Variants in DOCK11 observed in about 807,000 individuals in gnomAD.
DOCK11 encodes dedicator of cytokinesis 11, also known as dedicator of cytokinesis protein 11.
In DOCK11, 70 loss-of-function variants were observed where a neutral mutation model predicts 169.1. The ratio of observed to expected loss-of-function variants is 0.41; its 90% CI spans 0.34 to 0.51. DOCK11 has a LOEUF of 0.51. DOCK11 is among the 20% of genes least tolerant of loss of function. The probability of loss-of-function intolerance (pLI) is 0.10; values close to 1 mark genes in which losing one functional copy is unlikely to be tolerated. For missense variants in DOCK11, 1,166 were observed against 1,538.8 expected (o/e 0.76, Z 4.05); for synonymous variants, 529 against 541.3 (o/e 0.98, Z 0.32).
At chrX:118,594,941 A>T (rs1428213793) in intron 20 of DOCK11, among the ~76,000 whole-genome samples, 1 of 111,364 alleles carries the variant, frequency 9.0e-6, no homozygotes, top group African/African-American at 3.3e-5. Flanking sequence ...AACCACAAGT[A>T]GTTCACTAAG....
chrX:118,681,345 C>G (rs746982983), intron 50 of DOCK11, 97 bp downstream of exon 50: 1 of 847,172 alleles, frequency 1.2e-6, no homozygotes, highest in Non-Finnish European at 1.6e-6. Context: ...ATGTGTTGGG[C>G]ACTTACTGAG....
intron 20 of DOCK11, among the ~76,000 whole-genome samples, chrX:118,597,143 T>A (rs2014191190): frequency 8.9e-6 from 1 of 112,166 alleles, no homozygotes; most frequent in South Asian, 3.7e-4. Flanking sequence ...TTTCATATAA[T>A]CTCACTCTAG....
intron 6 of DOCK11, among the ~76,000 whole-genome samples, chrX:118,557,713 G>A (rs1324970927): frequency 6.8e-5 from 6 of 88,868 alleles, no homozygotes; most frequent in African/African-American, 2.2e-4. Flanking sequence ...GCAGTGAGCC[G>A]AGATCGCGCC....
intron 23 of DOCK11, among the ~76,000 whole-genome samples, chrX:118,602,189 G>A (rs911212511): frequency 2.8e-5 from 3 of 106,411 alleles, no homozygotes; most frequent in Non-Finnish European, 5.8e-5. Context: ...TAGCAGAACT[G>A]GGGTGAGACT....
chrX:118,639,316 T>G (rs1038151911), intron 37 of DOCK11, 119 bp from the exon 38 acceptor site: 1 of 684,416 alleles, frequency 1.5e-6, no homozygotes, highest in African/African-American at 2.2e-5. Context: ...ACACTTCATT[T>G]AATCCTTGAG....
intron 1 of DOCK11, among the ~76,000 whole-genome samples, chrX:118,525,555 G>C (rs1029159426): frequency 6.3e-5 from 7 of 111,608 alleles, no homozygotes; most frequent in Middle Eastern, 4.6e-3. Flanking sequence ...AGTTGAATGC[G>C]TACAGAGTTT....
At chrX:118,640,801 C>CTTTT (rs1556326662) in intron 38 of DOCK11, among the ~76,000 whole-genome samples, 1 of 109,652 alleles carries the variant, frequency 9.1e-6, no homozygotes, top group Non-Finnish European at 1.9e-5. Context: ...ACTGTGAGCC[C>CTTTT]TCTTTTTTTT....
intron 1 of DOCK11, among the ~76,000 whole-genome samples, chrX:118,535,449 T>A (rs1258144770): frequency 8.9e-6 from 1 of 112,067 alleles, no homozygotes; most frequent in Non-Finnish European, 1.9e-5. Context: ...TAACAGAAAG[T>A]ACAAGGCACT....
Position 118,593,210 on chromosome X carries a change from T to G in DOCK11, c.2140-4T>G. ...TTCCATGTGTAATTTTGCTTTCATTTCAGATTAAAATTGAGCTTCCCATTC... is the reference window on the plus strand; with the variant it reads ...TTCCATGTGTAATTTTGCTTTCATTGCAGATTAAAATTGAGCTTCCCATTC... On this transcript the variant is annotated splice_polypyrimidine_tract_variant and splice_region_variant and intron_variant, in intron 19 of 52. Coordinates refer to ENST00000276202, the MANE Select transcript of DOCK11 (RefSeq NM_144658.4). 5 of 1,194,734 alleles carry G rather than the reference T, an allele frequency of 4.2e-6. No individual in the cohort carries two copies. The highest frequency in any genetic ancestry group is 5.6e-6 in the Non-Finnish European group (5 of 888,286).
intron 1 of DOCK11, among the ~76,000 whole-genome samples, chrX:118,522,147 C>T (rs889976460): frequency 1.8e-5 from 2 of 110,760 alleles, no homozygotes; most frequent in Non-Finnish European, 3.8e-5. Context: ...AGCAAAACCC[C>T]GTCTCTACTA....
intron 37 of DOCK11, among the ~76,000 whole-genome samples, chrX:118,638,535 T>C (rs952617586): frequency 1.3e-4 from 15 of 112,478 alleles, no homozygotes; most frequent in African/African-American, 4.5e-4. Flanking sequence ...CATTATCTAT[T>C]TCCTCTTTTT....
chrX:118,679,538 A>G (rs1303100057), intron 48 of DOCK11, among the ~76,000 whole-genome samples: 1 of 111,159 alleles, frequency 9.0e-6, no homozygotes, highest in African/African-American at 3.3e-5. Context: ...AGGAGTTCCA[A>G]GCTAGCCTCA....
chrX:118,643,333 A>G (rs2015577851), intron 39 of DOCK11, 124 bp from the exon 40 acceptor site: 12 of 688,937 alleles, frequency 1.7e-5, no homozygotes, highest in Non-Finnish European at 2.4e-5. Flanking sequence ...AATATTTTGA[A>G]ATTATATGCA....
In DOCK11 at chrX:118,495,941, C is replaced by T. The variant is rs1215593917; in HGVS notation, c.-31C>T. On this transcript the variant is annotated 5_prime_UTR_variant, in exon 1 of 53. Transcript: ENST00000276202. ...GTCCACCCGCCCGCCGAGGTCCGCC[C>T]GCCCGCCGAGACCCGCCCGCCGCCG... 4.9e-6 allele frequency: 5 copies of T among 1,013,620 alleles called. No homozygotes were observed. Among genetic ancestry groups the T allele is most frequent in the Non-Finnish European group, 6.3e-6 (5 of 791,124 alleles). 83.5% of individuals were successfully genotyped at this position (1,013,620 alleles called of 1,213,427 possible).
intron 40 of DOCK11, among the ~76,000 whole-genome samples, chrX:118,646,053 C>CAAAAAAAAA (rs754457760): frequency 5.1e-5 from 2 of 38,971 alleles, no homozygotes; most frequent in African/African-American, 1.8e-4. Flanking sequence ...GAGACTTCGT[C>CAAAAAAAAA]AAAAAAAAAA....
chrX:118,526,287 A>C (rs1260147801), intron 1 of DOCK11, among the ~76,000 whole-genome samples: 4 of 112,292 alleles, frequency 3.6e-5, no homozygotes, highest in Non-Finnish European at 7.5e-5. Flanking sequence ...TATTGAATCA[A>C]GTCCTCCTCA....
intron 24 of DOCK11, among the ~76,000 whole-genome samples, chrX:118,607,262 GCC>G (rs2014546697): frequency 1.1e-5 from 1 of 90,449 alleles, no homozygotes; most frequent in Admixed American, 1.3e-4. Flanking sequence ...GATTACAGGC[GCC>G]CACCACCACA....
At chrX:118,521,860 A>G (rs2011274550) in intron 1 of DOCK11, among the ~76,000 whole-genome samples, 1 of 112,027 alleles carries the variant, frequency 8.9e-6, no homozygotes, top group Non-Finnish European at 1.9e-5. Flanking sequence ...GTGTGTTTCT[A>G]TACTAGAATG....
At chrX:118,624,220 A>G (rs1189457508) in intron 31 of DOCK11, among the ~76,000 whole-genome samples, 5 of 112,886 alleles carry the variant, frequency 4.4e-5, no homozygotes, top group African/African-American at 1.6e-4. Context: ...ATGAAGCTCA[A>G]CGCTCACTGG....
Sources: allele counts gnomAD v4.1 joint callset (sites outside exome capture counted in the v4.1 genomes callset), GRCh38; gene constraint gnomAD v4.1.1; transcripts MANE v1.5; gene names NCBI Gene and HGNC (gene_info 2026-07-23, HGNC 2026-07-21).